The following ROCK2 variants were observed in gnomAD, a reference collection of about 807,000 sequenced individuals.
ROCK2 encodes the protein rho-associated protein kinase 2.
Under a neutral mutation model 195.1 loss-of-function variants are expected in ROCK2, and 61 were observed. The ratio of observed to expected loss-of-function variants is 0.31; its 90% confidence interval spans 0.25 to 0.39. ROCK2 has a LOEUF of 0.39. Ranked by LOEUF, ROCK2 falls within the 10% of genes least tolerant of loss-of-function variation. The pLI is 1.00. For synonymous variants in ROCK2, 504 were observed against 545.5 expected (o/e 0.92, Z 1.06); for missense variants, 1,109 against 1,637.4 (o/e 0.68, Z 5.57).
In ROCK2 at chr2:11,287,724, A is replaced by G; in HGVS notation, c.154T>C (p.Ser52Pro). The change falls in exon 2 of 33, where the codon TCC (serine) becomes CCC (proline). Residue 52 changes from serine (S) to proline (P), a missense_variant. By Grantham distance (74) the Ser-to-Pro change is moderately conservative (BLOSUM62 -1). Coordinates refer to ENST00000315872, the MANE Select transcript of ROCK2 (RefSeq NM_004850.5). ...GGAAAATCTAAATCAAGGACCAAGG[A>G]ATTTAAGCCATCCTGTTAAGAAATA... ...NVESLLDGLN[S>P]LVLDLDFPAL... 7.6e-7 allele frequency: 1 copy of G among 1,309,090 alleles called. No individual in the cohort carries two copies. Among genetic ancestry groups the G allele is most frequent in the Non-Finnish European group, 1.0e-6 (1 of 978,488 alleles). The allele number at this position is 1,309,090 out of a possible 1,614,324, so 81.1% of individuals were successfully genotyped here.
At chr2:11,296,005 G>GAGGAGGGAGA (rs1553313929) in intron 1 of ROCK2, among the ~76,000 whole-genome samples, 1 of 10,334 alleles carries the variant, frequency 9.7e-5, no homozygotes, top group African/African-American at 2.0e-4. Flanking sequence ...GAGAGAGAGA[G>GAGGAGGGAGA]GAGAGAGAGA....
At chr2:11,253,154 G>A (rs1665898566) in intron 3 of ROCK2, among the ~76,000 whole-genome samples, 2 of 151,812 alleles carry the variant, frequency 1.3e-5, no homozygotes, top group Admixed American at 1.3e-4. Flanking sequence ...AAATTATATA[G>A]TTACCCTATT....
intron 4 of ROCK2, among the ~76,000 whole-genome samples, chr2:11,241,688 T>C (rs1288978566): frequency 3.3e-5 from 5 of 152,202 alleles, no homozygotes; most frequent in African/African-American, 1.2e-4. Context: ...CAATATGTAA[T>C]GTTGGAACAA....
At position 11,183,402 on chromosome 2, in the gene ROCK2, T is replaced by A. The variant is rs529185101; in HGVS notation, c.*35A>T. On this transcript the variant is annotated 3_prime_UTR_variant, in exon 33 of 33. Coordinates refer to ENST00000315872, the MANE Select transcript of ROCK2 (RefSeq NM_004850.5). ...TCTTGTTTTCACTGGAAGAATACGATCACCTTGAATAATGACTGCTTTCAT... is the reference window on the plus strand; with the variant it reads ...TCTTGTTTTCACTGGAAGAATACGAACACCTTGAATAATGACTGCTTTCAT... 468 of 1,577,170 alleles carry A rather than the reference T, an allele frequency of 3.0e-4. 3 individuals carry two copies. In the South Asian group the frequency reaches 5.2e-3, roughly 17 times the overall value.
rs200661688 is a variant in ROCK2 at position 11,262,243 on chromosome 2, G to GA, written c.325-12446dup. On this transcript the variant is annotated intron_variant, in intron 3 of 32. Transcript: ENST00000315872. Reference sequence around the variant, plus strand: ...ACACCATCTAACTGGCTATACATATGAAAAAAAACAAAGAACAAAAAAATA... The same window carrying GA: ...ACACCATCTAACTGGCTATACATATGAAAAAAAAACAAAGAACAAAAAAATA... Among the ~76,000 whole-genome samples, 62 of 151,246 alleles carry GA rather than the reference G, an allele frequency of 4.1e-4. No homozygotes were observed. The East Asian group carries it at 4.6e-3, about 11-fold the overall frequency.
chr2:11,254,727 TAAAAAAAAA>T (rs10640683), intron 3 of ROCK2, among the ~76,000 whole-genome samples: 5,095 of 39,190 alleles, frequency 0.13, 290 homozygotes, highest in Admixed American at 0.32. Context: ...CCCTGTCTCT[TAAAAAAAAA>T]AAAAAAAAAA....
At chr2:11,247,978 C>T (rs955546704) in intron 4 of ROCK2, among the ~76,000 whole-genome samples, 5 of 151,600 alleles carry the variant, frequency 3.3e-5, no homozygotes, top group Non-Finnish European at 7.4e-5. Flanking sequence ...GCGAAGATCA[C>T]GCCACTGAAC....
At chr2:11,241,703 A>G (rs559602836) in intron 4 of ROCK2, among the ~76,000 whole-genome samples, 15 of 152,214 alleles carry the variant, frequency 9.9e-5, no homozygotes, top group Non-Finnish European at 2.2e-4. Flanking sequence ...GAACAACTGA[A>G]TATCCATATG....
intron 1 of ROCK2, among the ~76,000 whole-genome samples, chr2:11,291,375 C>A (rs1667357939): frequency 1.3e-5 from 2 of 152,156 alleles, no homozygotes; most frequent in East Asian, 1.9e-4. Context: ...CACGGTGAAA[C>A]CCCATCTCTA....
At chr2:11,215,989 TG>T (rs1664412544) in intron 13 of ROCK2, among the ~76,000 whole-genome samples, 168 bp downstream of exon 13, 3 of 152,204 alleles carry the variant, frequency 2.0e-5, no homozygotes, top group Non-Finnish European at 4.4e-5. Flanking sequence ...CATAACAGAA[TG>T]AAGCCTATTT....
At chr2:11,340,273 A>G (rs1292505989) in intron 1 of ROCK2, among the ~76,000 whole-genome samples, 1 of 152,206 alleles carries the variant, frequency 6.6e-6, no homozygotes, top group Admixed American at 6.5e-5. Flanking sequence ...AGGCATTATT[A>G]TTTACATCAA....
chr2:11,297,208 A>C (rs899632070), intron 1 of ROCK2, among the ~76,000 whole-genome samples: 2 of 152,164 alleles, frequency 1.3e-5, no homozygotes, highest in Non-Finnish European at 2.9e-5. Context: ...AAAAGTGCAG[A>C]ATAAAAATTA....
chr2:11,249,607 T>A, intron 4 of ROCK2, 54 bp downstream of exon 4: 1 of 1,335,394 alleles, frequency 7.5e-7, no homozygotes, highest in Non-Finnish European at 9.8e-7. Context: ...AACTCATGAA[T>A]AATAAAGCAC....
At position 11,315,333 on chromosome 2, in the gene ROCK2, T is replaced by TTTG. The variant is rs548381761; in HGVS notation, c.142-27600_142-27598dup. On this transcript the variant is annotated intron_variant, in intron 1 of 32. Coordinates refer to ENST00000315872, the MANE Select transcript of ROCK2 (RefSeq NM_004850.5). ...TACTGCAGTGTATGCTTCAGAGTGT[T>TTTG]TTGTTGTTGTTGTTGTTTTACAGTA... Among the ~76,000 whole-genome samples, 1,094 of 152,106 alleles carry TTTG rather than the reference T, an allele frequency of 7.2e-3. 11 individuals carry two copies. The highest frequency in any genetic ancestry group is 0.025 in the African/African-American group (1,025 of 41,536).
Position 11,344,098 on chromosome 2 carries a change from G to T in ROCK2, c.39C>A (p.Ala13=). ...RPPPTGKMPG[A]PETAPGDGAG... ...CCCCGTCCCCCGGCGCGGTCTCGGG[G>T]GCGCCGGGCATTTTCCCCGTCGGCG... Residue 13 remains alanine, a synonymous_variant, in exon 1 of 33, where the codon GCC becomes GCA. Transcript: ENST00000315872. The surrounding 1 kb of genome is among the most constrained non-coding windows in gnomAD (Gnocchi z 5.4). The T allele has an allele frequency of 6.6e-7, 1 of 1,520,738 alleles. No individual in the cohort carries two copies. Among genetic ancestry groups the T allele is most frequent in the African/African-American group, 1.5e-5 (1 of 68,024 alleles). The allele number at this position is 1,520,738 out of a possible 1,614,324, so 94.2% of individuals were successfully genotyped here.
chr2:11,223,604 C>T (rs930856698), intron 7 of ROCK2, among the ~76,000 whole-genome samples: 9 of 152,048 alleles, frequency 5.9e-5, no homozygotes, highest in Non-Finnish European at 1.2e-4. Flanking sequence ...AAAATTATTT[C>T]CCAAAAAAGT....
At chr2:11,330,858 G>A (rs1572417566) in intron 1 of ROCK2, among the ~76,000 whole-genome samples, 2 of 20,578 alleles carry the variant, frequency 9.7e-5, no homozygotes, top group Non-Finnish European at 2.5e-4. Context: ...GGGGGAGGAA[G>A]AGGGAGGAGG....
rs1413019168 is a variant in ROCK2 at position 11,180,590 on chromosome 2, C to G, written c.*2847G>C. On this transcript the variant is annotated 3_prime_UTR_variant, in exon 33 of 33. Coordinates refer to ENST00000315872, the MANE Select transcript of ROCK2 (RefSeq NM_004850.5). ...TCCTTTCACTTCTGTCTCGTTATCC[C>G]CACAAAACAAAAGTAAAAAATCCAA... 2 of 152,058 alleles carry G rather than the reference C, an allele frequency of 1.3e-5. No individual in the cohort carries two copies. Among genetic ancestry groups the G allele is most frequent in the African/African-American group, 2.4e-5 (1 of 41,378 alleles). 9.4% of individuals were successfully genotyped at this position (152,058 alleles called of 1,614,324 possible). A position where few individuals can be genotyped will look rare whatever the true frequency, so the allele number is the denominator to read the frequency against.
chr2:11,344,236 A>T lies in ROCK2; in HGVS notation c.-100T>A. On this transcript the variant is annotated 5_prime_UTR_variant, in exon 1 of 33. Coordinates refer to ENST00000315872, the MANE Select transcript of ROCK2 (RefSeq NM_004850.5). This position sits in a 1 kb window ranked among gnomAD's most constrained non-coding sequence, Gnocchi z 5.4. Reference sequence around the variant, plus strand: ...AACCACCAGCTCCGGCCGGGACTCCACCCGGGCCCACCGCCTGCCTCTAGC... The same window carrying T: ...AACCACCAGCTCCGGCCGGGACTCCTCCCGGGCCCACCGCCTGCCTCTAGC... 1 of 1,300,034 alleles carries T rather than the reference A, an allele frequency of 7.7e-7. No homozygotes were observed. Among genetic ancestry groups the T allele is most frequent in the Non-Finnish European group, 9.7e-7 (1 of 1,027,740 alleles). The allele number at this position is 1,300,034 out of a possible 1,614,324, so 80.5% of individuals were successfully genotyped here. A position where few individuals can be genotyped will look rare whatever the true frequency, so the allele number is the denominator to read the frequency against.
Sources: gnomAD v4.1 joint callset for allele counts (sites outside exome capture counted in the v4.1 genomes callset) on GRCh38, gnomAD v4.1.1 for gene constraint, Gnocchi (gnomAD v3.1) non-coding constraint, MANE v1.5 for transcripts, NCBI Gene and HGNC (gene_info 2026-07-23, HGNC 2026-07-21) for gene names.